The following PDE6A variants were observed in gnomAD, a reference collection of about 807,000 sequenced individuals.
PDE6A encodes the protein phosphodiesterase 6A.
In PDE6A, 84 loss-of-function variants were observed where a neutral mutation model predicts 106.3. The observed-to-expected ratio is 0.79, with a 90% CI of 0.66 to 0.95. The LOEUF (loss-of-function observed/expected upper bound fraction) is 0.95, where lower values mean the gene tolerates loss of function less well. Among genes scored for constraint, PDE6A ranks in the 40% least tolerant of loss-of-function variants. PDE6A has a pLI of 0.00. For missense variants in PDE6A, 1,052 were observed against 1,084.9 expected (o/e 0.97, Z 0.43); for synonymous variants, 394 against 386.6 (o/e 1.02, Z -0.23).
chr5:149,900,088 T>C (rs1194900125), intron 8 of PDE6A, among the ~76,000 whole-genome samples: 3 of 151,956 alleles, frequency 2.0e-5, no homozygotes, highest in East Asian at 3.9e-4. Flanking sequence ...GCATGGCGAC[T>C]CACACCTATA....
chr5:149,907,003 C>G (rs1465071640), intron 7 of PDE6A, among the ~76,000 whole-genome samples: 1 of 152,200 alleles, frequency 6.6e-6, no homozygotes, highest in Non-Finnish European at 1.5e-5. Flanking sequence ...AGCTCCTGAC[C>G]TCAGGTGATC....
chr5:149,927,755 T>C (rs2113651062), intron 4 of PDE6A, among the ~76,000 whole-genome samples: 1 of 152,178 alleles, frequency 6.6e-6, no homozygotes, highest in South Asian at 2.1e-4. Flanking sequence ...TCTTTTTTTA[T>C]GTCTTTGGTG....
At position 149,863,242 on chromosome 5, in the gene PDE6A, TCTC is replaced by T. The variant is rs767540194; in HGVS notation, c.2380_2382del (p.Glu794del). ...GTGATCCCGTCCAACATTGGGGTGATCTCCTCGTGGAAACGGGAGAATTCCTAG... is the reference window on the plus strand; with the variant it reads ...GTGATCCCGTCCAACATTGGGGTGATCTCGTGGAAACGGGAGAATTCCTAG... On this transcript the variant is annotated inframe_deletion, in exon 21 of 22. Coordinates refer to ENST00000255266, the MANE Select transcript of PDE6A (RefSeq NM_000440.3). The surrounding 1 kb of genome is among the most constrained non-coding windows in gnomAD (Gnocchi z 4.7). The T allele has an allele frequency of 4.3e-6, 7 of 1,614,144 alleles. No homozygotes were observed. The highest frequency in any genetic ancestry group is 3.3e-5 in the Admixed American group (2 of 60,022).
chr5:149,941,959 T>TTTTCC (rs1188908988), intron 1 of PDE6A, among the ~76,000 whole-genome samples: 2 of 152,132 alleles, frequency 1.3e-5, no homozygotes, highest in Non-Finnish European at 2.9e-5. Context: ...CTTGCCTTTC[T>TTTTCC]TTTCCTTTCC....
intron 16 of PDE6A, 124 bp downstream of exon 16, chr5:149,884,355 T>C: frequency 1.5e-6 from 1 of 683,596 alleles, no homozygotes; most frequent in Non-Finnish European, 2.6e-6. Flanking sequence ...TGTGTATATA[T>C]GTGTATATAT....
chr5:149,887,573 A>C (rs1024225158), intron 13 of PDE6A, among the ~76,000 whole-genome samples: 1 of 152,162 alleles, frequency 6.6e-6, no homozygotes, highest in African/African-American at 2.4e-5. Context: ...TCCCAACTGC[A>C]CCATTTTGTA....
chr5:149,896,206 T>A (rs978286849), intron 12 of PDE6A, 150 bp downstream of exon 12: 2 of 662,064 alleles, frequency 3.0e-6, no homozygotes, highest in Admixed American at 2.7e-5. Flanking sequence ...TTCTTATAAA[T>A]GACTCATCTG....
intron 19 of PDE6A, chr5:149,867,493 C>T (rs1760373108): frequency 1.6e-6 from 1 of 613,046 alleles, no homozygotes; most frequent in African/African-American, 1.8e-5. Flanking sequence ...GGCCCACCCC[C>T]AGAGCTTCTG....
At chr5:149,900,496 A>C (rs1375174120) in intron 8 of PDE6A, among the ~76,000 whole-genome samples, 1 of 150,450 alleles carries the variant, frequency 6.6e-6, no homozygotes, top group Non-Finnish European at 1.5e-5. Context: ...CATAATCTGT[A>C]AGGTAAACCA....
chr5:149,929,695 C>T (rs906415945), intron 4 of PDE6A, among the ~76,000 whole-genome samples: 1 of 151,574 alleles, frequency 6.6e-6, no homozygotes, highest in African/African-American at 2.4e-5. Flanking sequence ...ATATATGAAC[C>T]TCAAAAAGGT....
Position 149,910,874 on chromosome 5 carries a change from CTTTTT to C in PDE6A, c.999-3501_999-3497del, listed in dbSNP as rs386405293. On this transcript the variant is annotated intron_variant, in intron 6 of 21. Coordinates refer to ENST00000255266, the MANE Select transcript of PDE6A (RefSeq NM_000440.3). ...TTCCAAACAAGCCAGTTTCTTTTTC[CTTTTT>C]TTTTTTTTTTTTTTTTTTGAGACAG... Among the ~76,000 whole-genome samples, 89 of 87,154 alleles carry C rather than the reference CTTTTT, an allele frequency of 1.0e-3. 1 individual carries two copies. Among genetic ancestry groups the C allele is most frequent in the African/African-American group, 3.8e-3 (81 of 21,502 alleles). The allele number at this position is 87,154 out of a possible 152,430, so 57.2% of individuals were successfully genotyped here. A position where few individuals can be genotyped will look rare whatever the true frequency, so the allele number is the denominator to read the frequency against.
rs1251808968 is a variant in PDE6A at position 149,931,097 on chromosome 5, C to T, written c.789G>A (p.Leu263=). The change falls in exon 4 of 22, where the codon CTG becomes CTA. Residue 263 remains leucine (L), a synonymous_variant. Transcript: ENST00000255266. ...TDIERQFHKA[L]YTVRAFLNCD... ...AGTTGAGGAAAGCACGGACTGTGTA[C>T]AGGGCTTTGTGGAACTGTCGTTCGA... is the stretch of plus-strand genomic sequence containing the variant. 6 of 1,614,110 alleles carry T rather than the reference C, an allele frequency of 3.7e-6. No homozygotes were observed. The highest frequency in any genetic ancestry group is 3.3e-5 in the Admixed American group (2 of 60,024).
chr5:149,934,074 G>T, intron 2 of PDE6A, 55 bp from the exon 3 acceptor site: 1 of 984,712 alleles, frequency 1.0e-6, no homozygotes, highest in South Asian at 1.3e-5. Context: ...TCCATCCTCT[G>T]GCTACTTTTA....
At chr5:149,872,491 G>A (rs756221147) in intron 17 of PDE6A, among the ~76,000 whole-genome samples, 5 of 151,914 alleles carry the variant, frequency 3.3e-5, no homozygotes, top group Non-Finnish European at 5.9e-5. Flanking sequence ...GCTCTTATCC[G>A]CCTGGACCAT....
At chr5:149,913,845 C>G (rs1041684119) in intron 6 of PDE6A, among the ~76,000 whole-genome samples, 6 of 152,158 alleles carry the variant, frequency 3.9e-5, no homozygotes, top group South Asian at 4.1e-4. Context: ...AAGTATAAGC[C>G]CATATTTAAA....
At chr5:149,928,092 G>A (rs1310964355) in intron 4 of PDE6A, among the ~76,000 whole-genome samples, 1 of 150,184 alleles carries the variant, frequency 6.7e-6, no homozygotes, top group Non-Finnish European at 1.5e-5. Context: ...TAAGTAGAAG[G>A]AGTCAACTCT....
rs17711594 is a variant in PDE6A at position 149,896,500 on chromosome 5, T to G, written c.1476A>C (p.Gln492His). The G allele has an allele frequency of 7.6e-3, 12,273 of 1,614,202 alleles. 56 individuals carry two copies. Among genetic ancestry groups the G allele is most frequent in the Non-Finnish European group, 8.5e-3 (10,058 of 1,180,030 alleles). Residue 492 changes from glutamine to histidine, a missense_variant and splice_region_variant, in exon 12 of 22, where the codon CAA becomes CAC. Around this residue, in one of 3 missense-constraint regions of PDE6A, gnomAD observed 913 missense variants for 915.2 expected, o/e 1.00. Transcript: ENST00000255266. The stretch of plus-strand genomic sequence containing the variant: ...ATTTATCTGCATCTGGCAGCTCCGC[T>G]TGCTGTATAAGGAATAGAGTCAGGT... Reference protein sequence around the residue: ...CEEEELAEILQAELPDADKYE... With the variant: ...CEEEELAEILHAELPDADKYE...
At chr5:149,886,244 T>G in intron 14 of PDE6A, 21 bp downstream of exon 14, 2 of 1,528,222 alleles carry the variant, frequency 1.3e-6, no homozygotes, top group South Asian at 1.1e-5. Flanking sequence ...GGGTTGGGTG[T>G]GGGGAGGGAG....
At chr5:149,873,017 G>A (rs1760616827) in intron 17 of PDE6A, among the ~76,000 whole-genome samples, 2 of 152,108 alleles carry the variant, frequency 1.3e-5, no homozygotes, top group South Asian at 4.2e-4. Context: ...ATTCAACAGA[G>A]CACCGAGGGC....
Sources: gnomAD v4.1 joint callset for allele counts (sites outside exome capture counted in the v4.1 genomes callset) on GRCh38, gnomAD v4.1.1 for gene constraint, gnomAD v4.1.1 regional missense constraint, Gnocchi (gnomAD v3.1) non-coding constraint, MANE v1.5 for transcripts, NCBI Gene and HGNC (gene_info 2026-07-23, HGNC 2026-07-21) for gene names.